Variants in CYP11B1 observed in about 807,000 individuals in gnomAD.
The protein encoded by CYP11B1 is cytochrome P450 family 11 subfamily B member 1.
CYP11B1 carries 34 observed loss-of-function variants against 48.3 expected under a neutral mutation model. That is an observed-to-expected ratio of 0.70 (90% CI 0.54 to 0.94). The LOEUF (loss-of-function observed/expected upper bound fraction) is 0.94, where lower values mean the gene tolerates loss of function less well. Among genes scored for constraint, CYP11B1 ranks in the 40% least tolerant of loss-of-function variants. The pLI, the probability that CYP11B1 is intolerant of heterozygous loss-of-function variation, is 0.00. For synonymous variants in CYP11B1, 291 were observed against 262.5 expected, an observed-to-expected ratio of 1.11 and a Z score of -1.05; for missense variants, 688 against 657.4, an observed-to-expected ratio of 1.05 and a Z score of -0.51.
At chr8:142,874,707 G>A (rs1179505816) in intron 8 of CYP11B1, among the ~76,000 whole-genome samples, 4 of 152,150 alleles carry the variant, frequency 2.6e-5, no homozygotes, top group East Asian at 3.9e-4. Context: ...GGCTCCACCC[G>A]ACTTCCCCAG....
intron 5 of CYP11B1, 148 bp from the exon 6 acceptor site, chr8:142,876,026 C>A: frequency 8.6e-7 from 1 of 1,167,044 alleles, no homozygotes; most frequent in Non-Finnish European, 1.2e-6. Context: ...TAATGCCCAT[C>A]CAAACCCCTT....
rs577746344 is a variant in CYP11B1 at position 142,876,778 on chromosome 8, C to T, written c.703G>A (p.Val235Ile). The change falls in exon 4 of 9, where the codon GTC (valine) becomes ATC (isoleucine). Residue 235 changes from valine (V) to isoleucine (I), a missense_variant. Coordinates refer to ENST00000292427, the MANE Select transcript of CYP11B1 (RefSeq NM_000497.4). ...HALEVMFKST[V>I]QLMFMPRSLS... ...CTCCTGGGCATGAACATGAGCTGGACGGTGGATTTGAACATGACCTCCAGG... is the reference window on the plus strand; with the variant it reads ...CTCCTGGGCATGAACATGAGCTGGATGGTGGATTTGAACATGACCTCCAGG... The T allele has an allele frequency of 1.4e-5, 22 of 1,614,060 alleles. No individual in the cohort carries two copies. The highest frequency in any genetic ancestry group is 1.0e-4 in the Admixed American group (6 of 60,010).
At position 142,877,882 on chromosome 8, in the gene CYP11B1, G is replaced by C. The variant is rs1817010725; in HGVS notation, c.396-660C>G. 2.0e-6 allele frequency: 3 copies of C among 1,492,214 alleles called. No homozygotes were observed. The African/African-American group carries it at 4.2e-5, about 21-fold the overall frequency. The allele number at this position is 1,492,214 out of a possible 1,614,324, so 92.4% of individuals were successfully genotyped here. On this transcript the variant is annotated intron_variant, in intron 2 of 8. Coordinates refer to ENST00000292427, the MANE Select transcript of CYP11B1 (RefSeq NM_000497.4). ...TATGTCCAGCTGGCTGTTGTGAGCT[G>C]TTGACAGTGATGGCAGGCAGAAGAT...
At chr8:142,875,529 G>A (rs1176586792) in intron 6 of CYP11B1, 183 bp downstream of exon 6, 10 of 891,916 alleles carry the variant, frequency 1.1e-5, no homozygotes, top group South Asian at 9.9e-5. Flanking sequence ...TCCCCAGGGC[G>A]TTGAAGAGGG....
chr8:142,874,407 A>G lies in CYP11B1; in HGVS notation c.1478T>C (p.Met493Thr). 3.1e-6 allele frequency: 5 copies of G among 1,614,032 alleles called. No homozygotes were observed. Among genetic ancestry groups the G allele is most frequent in the Non-Finnish European group, 4.2e-6 (5 of 1,179,906 alleles). The change falls in exon 9 of 9, where the codon ATG becomes ACG. Residue 493 changes from methionine (M) to threonine (T), a missense_variant. Coordinates refer to ENST00000292427, the MANE Select transcript of CYP11B1 (RefSeq NM_000497.4). ...MVYSFILRPS[M>T]FPLLTFRAIN Reference sequence around the variant, plus strand: ...GGCTCTGAAGGTGAGGAGGGGGAACATGCTGGGCCTCAATATGAAGCTGTA... The same window carrying G: ...GGCTCTGAAGGTGAGGAGGGGGAACGTGCTGGGCCTCAATATGAAGCTGTA...
chr8:142,877,969 CAT>C (rs1185822261), intron 2 of CYP11B1: 40 of 681,092 alleles, frequency 5.9e-5, no homozygotes, highest in Admixed American at 1.7e-4. Context: ...CACATGTACA[CAT>C]GTGCACAGAC....
intron 4 of CYP11B1, 62 bp from the exon 5 acceptor site, chr8:142,876,457 T>G: frequency 6.4e-7 from 1 of 1,571,820 alleles, no homozygotes; most frequent in South Asian, 1.2e-5. Context: ...TTCAGTGTCC[T>G]CCTCCTGCCC....
intron 1 of CYP11B1, 33 bp downstream of exon 1, chr8:142,879,542 G>T (rs1220735981): frequency 6.2e-7 from 1 of 1,614,196 alleles, no homozygotes; most frequent in Admixed American, 1.7e-5. Context: ...CAGGGCTCTG[G>T]GTGTTCCCAG....
Position 142,875,111 on chromosome 8 carries a change from G to A in CYP11B1, c.1244C>T (p.Ala415Val). Residue 415 changes from alanine to valine, a missense_variant, in exon 8 of 9, where the codon GCC becomes GTC. Coordinates refer to ENST00000292427, the MANE Select transcript of CYP11B1 (RefSeq NM_000497.4). ...VFLYSLGRNP[A>V]LFPRPERYNP... Reference sequence around the variant, plus strand: ...ATAGCGCTCAGGCCTCGGGAACAAGGCGGGGTTGCGACCCAGAGAGTAGAG... The same window carrying A: ...ATAGCGCTCAGGCCTCGGGAACAAGACGGGGTTGCGACCCAGAGAGTAGAG... 1 of 1,614,264 alleles carries A rather than the reference G, an allele frequency of 6.2e-7. No individual in the cohort carries two copies. Among genetic ancestry groups the A allele is most frequent in the East Asian group, 2.2e-5 (1 of 44,880 alleles).
chr8:142,879,409 C>A, intron 1 of CYP11B1, 166 bp downstream of exon 1: 2 of 1,612,676 alleles, frequency 1.2e-6, no homozygotes, highest in Non-Finnish European at 1.7e-6. Context: ...CCATCCCCTG[C>A]CCTGGCAGCG....
rs61751149 is a variant in CYP11B1 at position 142,877,162 on chromosome 8, G to A, written c.456C>T (p.Asn152=). ...LRLNPEVLSP[N]AVQRFLPMVD... is the part of the protein sequence containing the mutation. The stretch of plus-strand genomic sequence containing the variant: ...CCATCGGGAGGAACCTCTGCACAGC[G>A]TTGGGCGACAGCACTTCTGGATTCA... The change falls in exon 3 of 9, where the codon AAC becomes AAT. Residue 152 remains asparagine, a synonymous_variant. Coordinates refer to ENST00000292427, the MANE Select transcript of CYP11B1 (RefSeq NM_000497.4). 1.4e-5 allele frequency: 23 copies of A among 1,613,678 alleles called. No homozygotes were observed. The highest frequency in any genetic ancestry group is 4.0e-5 in the African/African-American group (3 of 74,836).
rs377291132 is a variant in CYP11B1, at chr8:142,879,419, G to A, written c.239+156C>T. On this transcript the variant is annotated intron_variant, in intron 1 of 8. Transcript: ENST00000292427. ...CTGCACCATCCCCTGCCCTGGCAGC[G>A]CCACAGACCAGCACGTGCTGCACTC... 1,262 of 1,612,986 alleles carry A rather than the reference G, an allele frequency of 7.8e-4. 1 individual carries two copies. Among genetic ancestry groups the A allele is most frequent in the Non-Finnish European group, 9.9e-4 (1,171 of 1,179,882 alleles).
In CYP11B1 at chr8:142,878,642, C is replaced by G. The variant is rs529700965; in HGVS notation, c.395+390G>C. On this transcript the variant is annotated intron_variant, in intron 2 of 8. Coordinates refer to ENST00000292427, the MANE Select transcript of CYP11B1 (RefSeq NM_000497.4). ...AGGGAGGCTGCGGCCCCGGCGAACA[C>G]CAGGCTCAGTACTCAGCCTGTGACC... Among the ~76,000 whole-genome samples the G allele has an allele frequency of 8.5e-5, 13 of 152,344 alleles. No homozygotes were observed. In the East Asian group the frequency reaches 2.5e-3, roughly 29 times the overall value.
chr8:142,873,902 T>A lies in CYP11B1; in HGVS notation c.*471A>T, dbSNP rs12543598. 2 of 237,042 alleles carry A rather than the reference T, an allele frequency of 8.4e-6. No individual in the cohort carries two copies. Among genetic ancestry groups the A allele is most frequent in the Non-Finnish European group, 1.7e-5 (2 of 117,878 alleles). The allele number at this position is 237,042 out of a possible 1,614,324, so 14.7% of individuals were successfully genotyped here. ...AGGGCATGCTCGAGCTGCCTAGGGG[T>A]CAGGCTGCAGGAGGGAACTTGACTG... On this transcript the variant is annotated 3_prime_UTR_variant, in exon 9 of 9. Transcript: ENST00000292427.
rs772169059 is a variant in CYP11B1 at position 142,875,033 on chromosome 8, A to C, written c.1322T>G (p.Val441Gly). The change falls in exon 8 of 9, where the codon GTG (valine) becomes GGG (glycine). Residue 441 changes from valine (V) to glycine (G), a missense_variant. By Grantham distance (109) the Val-to-Gly change is moderately radical (BLOSUM62 -3). Transcript: ENST00000292427. ...CTGGCGCATGCCAAAGCCAAAGGGCACGTGGTAGAAGTTCCTGCCGGAGCC... is the reference window on the plus strand; with the variant it reads ...CTGGCGCATGCCAAAGCCAAAGGGCCCGTGGTAGAAGTTCCTGCCGGAGCC... ...IRGSGRNFYHVPFGFGMRQCL... is the reference protein window; with the variant it reads ...IRGSGRNFYHGPFGFGMRQCL... The C allele has an allele frequency of 3.7e-6, 6 of 1,614,126 alleles. No individual in the cohort carries two copies. The highest frequency in any genetic ancestry group is 5.1e-6 in the Non-Finnish European group (6 of 1,180,046).
chr8:142,879,002 C>T (rs779342369), intron 2 of CYP11B1, 30 bp downstream of exon 2: 2 of 1,613,330 alleles, frequency 1.2e-6, no homozygotes, highest in East Asian at 2.2e-5. Flanking sequence ...GGCTGCCCAC[C>T]CTGCTCCCAG....
At chr8:142,878,046 A>G (rs955136234) in intron 2 of CYP11B1, among the ~76,000 whole-genome samples, 1 of 115,966 alleles carries the variant, frequency 8.6e-6, no homozygotes, top group African/African-American at 2.7e-5. Context: ...CACCACACAT[A>G]CATGCACACA....
At chr8:142,879,231 C>G (rs766368293) in intron 1 of CYP11B1, 44 bp from the exon 2 acceptor site, 3 of 1,613,224 alleles carry the variant, frequency 1.9e-6, no homozygotes, top group Non-Finnish European at 2.5e-6. Context: ...GACCATGTCC[C>G]CGCTAGCCCC....
chr8:142,874,542 C>T, intron 8 of CYP11B1, 56 bp from the exon 9 acceptor site: 2 of 1,166,152 alleles, frequency 1.7e-6, no homozygotes, highest in Non-Finnish European at 2.6e-6. Context: ...GCACGTGGTG[C>T]AGCCTTCTCA....
Sources: gnomAD v4.1 joint callset for allele counts (sites outside exome capture counted in the v4.1 genomes callset) on GRCh38, gnomAD v4.1.1 for gene constraint, MANE v1.5 for transcripts, NCBI Gene and HGNC (gene_info 2026-07-23, HGNC 2026-07-21) for gene names.